KITLG: variants seen among roughly 807,000 people sequenced by gnomAD.
The protein encoded by KITLG is c-Kit ligand.
KITLG carries 13 observed loss-of-function variants against 34.1 expected under a neutral mutation model. The observed-to-expected ratio is 0.38, with a 90% CI of 0.25 to 0.61. The LOEUF (loss-of-function observed/expected upper bound fraction) is 0.61. Ranked by LOEUF, KITLG falls within the 20% of genes least tolerant of loss-of-function variation. KITLG has a pLI of 0.60. For missense variants in KITLG, 292 were observed against 318.9 expected, an observed-to-expected ratio of 0.92 and a Z score of 0.64; for synonymous variants, 110 against 104.0, an observed-to-expected ratio of 1.06 and a Z score of -0.35.
At chr12:88,543,932 C>T (rs949000009) in intron 2 of KITLG, among the ~76,000 whole-genome samples, 1 of 152,100 alleles carries the variant, frequency 6.6e-6, no homozygotes, top group Non-Finnish European at 1.5e-5. Context: ...TTTACTATAA[C>T]ATTTTCTGTA....
chr12:88,553,442 T>A (rs566085480), intron 1 of KITLG, among the ~76,000 whole-genome samples: 7 of 152,282 alleles, frequency 4.6e-5, no homozygotes, highest in African/African-American at 9.6e-5. Context: ...ATCATCTATT[T>A]TTTTTTTCTG....
At position 88,580,396 on chromosome 12, in the gene KITLG, C is replaced by A. The variant is rs1486493705; in HGVS notation, c.-118G>T. On this transcript the variant is annotated 5_prime_UTR_variant, in exon 1 of 10. Transcript: ENST00000644744. ...GGCAGATAGTCCACGCATTGGGTAG[C>A]CCGAGCGCAGCGCCCTCTCCACTGT... is the stretch of plus-strand genomic sequence containing the variant. 7.4e-6 allele frequency: 9 copies of A among 1,219,816 alleles called. No individual in the cohort carries two copies. Among genetic ancestry groups the A allele is most frequent in the Non-Finnish European group, 1.1e-5 (9 of 844,096 alleles). The allele number at this position is 1,219,816 out of a possible 1,614,324, so 75.6% of individuals were successfully genotyped here.
intron 9 of KITLG, among the ~76,000 whole-genome samples, chr12:88,499,841 G>GT (rs1868783383): frequency 1.3e-5 from 2 of 152,118 alleles, no homozygotes; most frequent in African/African-American, 4.8e-5. Flanking sequence ...TGCTAATTCA[G>GT]TTGTCATTCT....
At chr12:88,504,406 A>G (rs1347452540) in intron 9 of KITLG, among the ~76,000 whole-genome samples, 1 of 152,220 alleles carries the variant, frequency 6.6e-6, no homozygotes, top group Non-Finnish European at 1.5e-5. Context: ...GAACTTAAAC[A>G]AATTTACAAG....
In KITLG at chr12:88,554,516, A is replaced by C. The variant is rs371209729; in HGVS notation, c.16-8651T>G. On this transcript the variant is annotated intron_variant, in intron 1 of 9. Transcript: ENST00000644744. ...CTGCATACCAGCTATTGAAGCAGGCAGTTCCCTTGTAGCCCAAATGTATTT... is the reference window on the plus strand; with the variant it reads ...CTGCATACCAGCTATTGAAGCAGGCCGTTCCCTTGTAGCCCAAATGTATTT... Among the ~76,000 whole-genome samples the C allele has an allele frequency of 4.6e-5, 7 of 152,330 alleles. No homozygotes were observed. The East Asian group carries it at 1.4e-3, about 29-fold the overall frequency.
chr12:88,523,142 C>T lies in KITLG; in HGVS notation c.193-4275G>A, dbSNP rs77263360. 1.3e-4 allele frequency among the ~76,000 whole-genome samples: 20 copies of T among 152,256 alleles called. No individual in the cohort carries two copies. In the East Asian group the frequency reaches 1.9e-3, roughly 15 times the overall value. On this transcript the variant is annotated intron_variant, in intron 3 of 9. Transcript: ENST00000644744. Reference sequence around the variant, plus strand: ...ATTAGACGTATGCATGCCTAGGGCACGAAGTGTACCTTTCTGTTTGTGCTT... The same window carrying T: ...ATTAGACGTATGCATGCCTAGGGCATGAAGTGTACCTTTCTGTTTGTGCTT...
At chr12:88,572,147 T>G (rs938676923) in intron 1 of KITLG, among the ~76,000 whole-genome samples, 6 of 152,146 alleles carry the variant, frequency 3.9e-5, no homozygotes, top group Admixed American at 1.3e-4. Context: ...TCTCTTCAAG[T>G]TGAATCATTA....
At chr12:88,509,688 T>A (rs914487246) in intron 6 of KITLG, among the ~76,000 whole-genome samples, 1 of 152,188 alleles carries the variant, frequency 6.6e-6, no homozygotes, top group Non-Finnish European at 1.5e-5. Flanking sequence ...TCACCTCCCA[T>A]AGAGGTCAAT....
At chr12:88,520,425 G>A (rs2120846712) in intron 3 of KITLG, among the ~76,000 whole-genome samples, 1 of 152,282 alleles carries the variant, frequency 6.6e-6, no homozygotes, top group Non-Finnish European at 1.5e-5. Context: ...AGCATACACT[G>A]TAAATTGCTA....
At chr12:88,508,237 A>G (rs1869145411) in intron 6 of KITLG, among the ~76,000 whole-genome samples, 1 of 151,938 alleles carries the variant, frequency 6.6e-6, no homozygotes, top group Non-Finnish European at 1.5e-5. Context: ...AACAAAACAC[A>G]TCTCCCACAA....
intron 2 of KITLG, chr12:88,534,661 C>T (rs1870238520): frequency 2.0e-6 from 1 of 512,238 alleles, no homozygotes; most frequent in South Asian, 1.4e-5. Flanking sequence ...GCCACCGTGT[C>T]CATTCCATTG....
intron 1 of KITLG, among the ~76,000 whole-genome samples, chr12:88,555,132 A>G (rs906096515): frequency 2.0e-5 from 3 of 152,226 alleles, no homozygotes; most frequent in Admixed American, 2.0e-4. Context: ...GTAATATAAT[A>G]AGGGAATTTA....
At chr12:88,553,632 T>C (rs1870999801) in intron 1 of KITLG, among the ~76,000 whole-genome samples, 1 of 152,144 alleles carries the variant, frequency 6.6e-6, no homozygotes, top group African/African-American at 2.4e-5. Context: ...GAAACATGCA[T>C]CAAAAGTGTC....
At chr12:88,497,920 A>T (rs1325244122) in intron 9 of KITLG, among the ~76,000 whole-genome samples, 1 of 152,174 alleles carries the variant, frequency 6.6e-6, no homozygotes. Context: ...GAAAGACTGT[A>T]ATCTTGGCAC....
intron 3 of KITLG, among the ~76,000 whole-genome samples, chr12:88,527,534 T>C (rs1441727529): frequency 6.6e-6 from 1 of 152,198 alleles, no homozygotes; most frequent in Admixed American, 6.5e-5. Context: ...CTTTAAAAAG[T>C]CTGAACGAAA....
Position 88,518,750 on chromosome 12 carries a change from G to A in KITLG, c.310C>T (p.Leu104Phe), listed in dbSNP as rs864309655. 6.2e-7 allele frequency: 1 copy of A among 1,613,206 alleles called. No homozygotes were observed. Among genetic ancestry groups the A allele is most frequent in the Non-Finnish European group, 8.5e-7 (1 of 1,179,480 alleles). Residue 104 changes from leucine (L) to phenylalanine (F), a missense_variant, in exon 4 of 10, where the codon CTT becomes TTT. Leu to Phe is a conservative substitution (Grantham distance 22). Coordinates refer to ENST00000644744, the MANE Select transcript of KITLG (RefSeq NM_000899.5). Reference sequence around the variant, plus strand: ...ACAAGGTCATCCACTATATTCACAAGTTTGTCTATGATGGAATAATTACTC... The same window carrying A: ...ACAAGGTCATCCACTATATTCACAAATTTGTCTATGATGGAATAATTACTC... The part of the protein sequence containing the change: ...GLSNYSIIDK[L>F]VNIVDDLVEC...
intron 1 of KITLG, among the ~76,000 whole-genome samples, chr12:88,550,966 T>A (rs1294281120): frequency 6.6e-6 from 1 of 152,116 alleles, no homozygotes; most frequent in East Asian, 1.9e-4. Context: ...CAACATAAAT[T>A]TTTTTTGCAT....
intron 2 of KITLG, among the ~76,000 whole-genome samples, chr12:88,533,746 C>G (rs995566400): frequency 6.6e-6 from 1 of 152,112 alleles, no homozygotes; most frequent in African/African-American, 2.4e-5. Context: ...GTTTGCTAGA[C>G]TAGGTCATCT....
At chr12:88,505,119 T>G in intron 9 of KITLG, 40 bp downstream of exon 9, 1 of 1,076,988 alleles carries the variant, frequency 9.3e-7, no homozygotes, top group East Asian at 2.5e-5. Flanking sequence ...TAAAGTATAA[T>G]AAAAAAAAGA....
Sources: gnomAD v4.1 joint callset for allele counts (sites outside exome capture counted in the v4.1 genomes callset) on GRCh38, gnomAD v4.1.1 for gene constraint, MANE v1.5 for transcripts, NCBI Gene and HGNC (gene_info 2026-07-23, HGNC 2026-07-21) for gene names.